KANK1: variants seen among roughly 807,000 people sequenced by gnomAD.
The protein encoded by KANK1 is KN motif and ankyrin repeat domains 1, also known as KN motif and ankyrin repeat domain-containing protein 1.
KANK1 carries 109 observed loss-of-function variants against 106.2 expected under a neutral mutation model. That is an observed-to-expected ratio of 1.03 (90% confidence interval 0.88 to 1.20). KANK1 has a LOEUF of 1.20. KANK1 is among the 50% of genes most tolerant of loss of function. The pLI, the probability that KANK1 is intolerant of heterozygous loss-of-function variation, is 0.00. For missense variants in KANK1, 2,399 were observed against 1,710.7 expected, an observed-to-expected ratio of 1.40 and a Z score of -7.10; for synonymous variants, 873 against 652.2, an observed-to-expected ratio of 1.34 and a Z score of -5.16.
chr9:559,828 A>C (rs1440105288), intron 1 of KANK1, among the ~76,000 whole-genome samples: 2 of 152,144 alleles, frequency 1.3e-5, no homozygotes, highest in Non-Finnish European at 1.5e-5. Context: ...CATGTGCCCC[A>C]GTCTTATCTT....
chr9:514,820 T>C (rs1195535605), intron 1 of KANK1, among the ~76,000 whole-genome samples: 1 of 151,702 alleles, frequency 6.6e-6, no homozygotes, highest in East Asian at 1.9e-4. Flanking sequence ...AGTGCAATTT[T>C]TGGGCCATGC....
At chr9:519,040 A>G (rs542058897) in intron 1 of KANK1, among the ~76,000 whole-genome samples, 1 of 151,400 alleles carries the variant, frequency 6.6e-6, no homozygotes, top group Non-Finnish European at 1.5e-5. Context: ...ACAGGCATGC[A>G]CCACCAGGCC....
chr9:601,486 T>G lies in KANK1; in HGVS notation c.-83-75404T>G, dbSNP rs113089837. 5.9e-5 allele frequency among the ~76,000 whole-genome samples: 9 copies of G among 151,974 alleles called. No individual in the cohort carries two copies. The South Asian group carries it at 1.0e-3, about 17-fold the overall frequency. On this transcript the variant is annotated intron_variant, in intron 1 of 11. Transcript: ENST00000382297. ...ACTAGATTTGGGGCTGTCTGATGTT[T>G]CCTAGTGTTTACCTTTAAGTTATGC...
chr9:509,207 C>T (rs1026593288), intron 1 of KANK1, among the ~76,000 whole-genome samples: 1 of 152,192 alleles, frequency 6.6e-6, no homozygotes, highest in African/African-American at 2.4e-5. Flanking sequence ...AAGCAATTCT[C>T]CTGCCTCAGC....
chr9:617,073 T>TA (rs1832017990), intron 1 of KANK1, among the ~76,000 whole-genome samples: 3 of 152,208 alleles, frequency 2.0e-5, no homozygotes, highest in Admixed American at 2.0e-4. Context: ...AATTTTTTTT[T>TA]AATATACTAC....
At chr9:674,078 A>G (rs1228076601) in intron 1 of KANK1, 2 of 152,122 alleles carry the variant, frequency 1.3e-5, no homozygotes, top group East Asian at 3.9e-4. Flanking sequence ...TTCTTAAAAG[A>G]CAGTGTTTAT....
chr9:718,953 CTTTTTTTT>C (rs35097931), intron 3 of KANK1, among the ~76,000 whole-genome samples: 1 of 78,280 alleles, frequency 1.3e-5, no homozygotes, highest in African/African-American at 5.1e-5. Flanking sequence ...TGCTCGAGCC[CTTTTTTTT>C]TTTTTTTTTT....
chr9:745,201 C>T lies in KANK1; in HGVS notation c.4025C>T (p.Ser1342Phe), dbSNP rs746459261. ...PGTPRLGRKT[S>F]PGPTHRGSFD Reference sequence around the variant, plus strand: ...ACCCCTAGGCTTGGAAGGAAGACGTCTCCTGGCCCCACCCACCGAGGTTCA... The same window carrying T: ...ACCCCTAGGCTTGGAAGGAAGACGTTTCCTGGCCCCACCCACCGAGGTTCA... The change falls in exon 12 of 12, where the codon TCT (serine) becomes TTT (phenylalanine). Residue 1342 changes from serine (S) to phenylalanine (F), a missense_variant. Transcript: ENST00000382297. The T allele has an allele frequency of 6.2e-7, 1 of 1,614,082 alleles. No individual in the cohort carries two copies. Among genetic ancestry groups the T allele is most frequent in the East Asian group, 2.2e-5 (1 of 44,880 alleles).
At chr9:671,779 C>G (rs538246692) in intron 1 of KANK1, among the ~76,000 whole-genome samples, 9 of 151,972 alleles carry the variant, frequency 5.9e-5, no homozygotes, top group African/African-American at 2.2e-4. Flanking sequence ...GAAACCCCAT[C>G]TCTACTAAAA....
rs3028166 is a variant in KANK1 at position 598,620 on chromosome 9, C to CTTTTTTTTTTTTTTTTTTTTT, written c.-83-78260_-83-78240dup. ...TTTTTTGTTTTGTTTTGTTGGTTTTCTTTTTTTTTTTTTTTTTTTTTTTTT... is the reference window on the plus strand; with the variant it reads ...TTTTTTGTTTTGTTTTGTTGGTTTTCTTTTTTTTTTTTTTTTTTTTTTTTTTTTTTTTTTTTTTTTTTTTTT... On this transcript the variant is annotated intron_variant, in intron 1 of 11. Transcript: ENST00000382297. Among the ~76,000 whole-genome samples, 18 of 46,680 alleles carry CTTTTTTTTTTTTTTTTTTTTT rather than the reference C, an allele frequency of 3.9e-4. 4 individuals are homozygous for CTTTTTTTTTTTTTTTTTTTTT. Among genetic ancestry groups the CTTTTTTTTTTTTTTTTTTTTT allele is most frequent in the Non-Finnish European group, 5.6e-4 (13 of 23,144 alleles). The allele number at this position is 46,680 out of a possible 152,430, so 30.6% of individuals were successfully genotyped here.
chr9:516,664 G>A lies in KANK1; in HGVS notation c.-84+11910G>A, dbSNP rs541773855. Among the ~76,000 whole-genome samples, 12 of 151,716 alleles carry A rather than the reference G, an allele frequency of 7.9e-5. No homozygotes were observed. The East Asian group carries it at 1.9e-3, about 24-fold the overall frequency. On this transcript the variant is annotated intron_variant, in intron 1 of 11. Transcript: ENST00000382297. The stretch of plus-strand genomic sequence containing the variant: ...TGCAGAGACACTGGCTTGAGGAATA[G>A]CAAGGCCTTTTATGATGGGCCCAGG...
chr9:549,475 G>C (rs1363769086), intron 1 of KANK1: 1 of 152,230 alleles, frequency 6.6e-6, no homozygotes, highest in African/African-American at 2.4e-5. Flanking sequence ...TCAAGACGGG[G>C]TCCCGTTCAT....
intron 1 of KANK1, among the ~76,000 whole-genome samples, chr9:517,099 CTGTT>C (rs1261643515): frequency 1.3e-5 from 2 of 151,468 alleles, no homozygotes; most frequent in Non-Finnish European, 2.9e-5. Context: ...ATTCAGCAAG[CTGTT>C]TGTGTTTGTT....
intron 1 of KANK1, among the ~76,000 whole-genome samples, chr9:565,265 C>A (rs1315990713): frequency 6.6e-6 from 1 of 152,160 alleles, no homozygotes; most frequent in Non-Finnish European, 1.5e-5. Context: ...AAAATGGTAG[C>A]AGCTTCATCT....
chr9:528,253 G>A (rs183840204), intron 1 of KANK1, among the ~76,000 whole-genome samples: 1 of 151,760 alleles, frequency 6.6e-6, no homozygotes, highest in Admixed American at 6.6e-5. Flanking sequence ...GGAACTTAAT[G>A]TTTTTCAATT....
chr9:663,482 T>C (rs1337371218), intron 1 of KANK1, among the ~76,000 whole-genome samples: 1 of 152,188 alleles, frequency 6.6e-6, no homozygotes, highest in Non-Finnish European at 1.5e-5. Context: ...TAAAATTATT[T>C]TCCTCCCAAG....
At chr9:690,469 C>A (rs1471572999) in intron 2 of KANK1, among the ~76,000 whole-genome samples, 1 of 152,046 alleles carries the variant, frequency 6.6e-6, no homozygotes, top group African/African-American at 2.4e-5. Context: ...CTGAAGTAAT[C>A]ATACCTTGCT....
At chr9:723,593 C>G (rs557529191) in intron 3 of KANK1, among the ~76,000 whole-genome samples, 6 of 152,006 alleles carry the variant, frequency 3.9e-5, no homozygotes, top group Non-Finnish European at 8.8e-5. Flanking sequence ...TTCCATTGCA[C>G]TCTAGCCTGG....
chr9:526,919 G>C (rs9408610), intron 1 of KANK1, among the ~76,000 whole-genome samples: 1 of 151,242 alleles, frequency 6.6e-6, no homozygotes, highest in Non-Finnish European at 1.5e-5. Context: ...CTCTTCTCCT[G>C]CTGTAATATT....
Sources: gnomAD v4.1 joint callset for allele counts (sites outside exome capture counted in the v4.1 genomes callset) on GRCh38, gnomAD v4.1.1 for gene constraint, MANE v1.5 for transcripts, NCBI Gene and HGNC (gene_info 2026-07-23, HGNC 2026-07-21) for gene names.